C10orf143: variants seen among roughly 807,000 people sequenced by gnomAD.
C10orf143 encodes uncharacterized protein C10orf143.
intron 1 of C10orf143, among the ~76,000 whole-genome samples, chr10:130,085,962 T>C (rs1028227797): frequency 6.6e-6 from 1 of 152,248 alleles, no homozygotes. Flanking sequence ...TCAGACACTT[T>C]GGAGGCTTGT....
At chr10:130,045,111 A>T (rs545818873) in intron 3 of C10orf143, among the ~76,000 whole-genome samples, 88 of 152,018 alleles carry the variant, frequency 5.8e-4, no homozygotes, top group Middle Eastern at 3.4e-3. Context: ...AACAAAACCC[A>T]CCCCATGGAG....
At chr10:130,095,586 A>C (rs771924685) in intron 1 of C10orf143, among the ~76,000 whole-genome samples, 1 of 152,232 alleles carries the variant, frequency 6.6e-6, no homozygotes, top group Non-Finnish European at 1.5e-5. Context: ...ACTGGTACCA[A>C]AACAGACATA....
chr10:130,047,011 G>A (rs976512591), intron 3 of C10orf143, among the ~76,000 whole-genome samples: 1 of 152,244 alleles, frequency 6.6e-6, no homozygotes, highest in East Asian at 1.9e-4. Flanking sequence ...AAGGAAAGGC[G>A]TTCACACTAT....
At chr10:130,048,912 C>T (rs1345490244) in intron 3 of C10orf143, among the ~76,000 whole-genome samples, 1 of 152,124 alleles carries the variant, frequency 6.6e-6, no homozygotes, top group Non-Finnish European at 1.5e-5. Context: ...GCTATATTGC[C>T]CAGGCTGGTT....
downstream of C10orf143, among the ~76,000 whole-genome samples, chr10:130,063,329 T>C (rs1162649673): frequency 6.6e-6 from 1 of 152,188 alleles, no homozygotes; most frequent in Non-Finnish European, 1.5e-5. Flanking sequence ...TGTATCTCAT[T>C]TTGGAAAAGA....
chr10:130,043,717 G>A (rs117985132), intron 3 of C10orf143, among the ~76,000 whole-genome samples: 385 of 152,364 alleles, frequency 2.5e-3, no homozygotes, highest in African/African-American at 6.7e-3. Flanking sequence ...GAGGGGTGTG[G>A]TCTTCCAGAA....
At chr10:130,098,570 G>A (rs193177554) in intron 1 of C10orf143, among the ~76,000 whole-genome samples, 2 of 152,224 alleles carry the variant, frequency 1.3e-5, no homozygotes, top group African/African-American at 2.4e-5. Flanking sequence ...ACACCCTCAC[G>A]TGTCAGTCAA....
chr10:130,061,726 A>C (rs561276430), downstream of C10orf143, among the ~76,000 whole-genome samples: 106 of 152,354 alleles, frequency 7.0e-4, no homozygotes, highest in Middle Eastern at 0.01. Flanking sequence ...CACGCTCGTC[A>C]TGGGTGCATC....
intron 3 of C10orf143, among the ~76,000 whole-genome samples, chr10:130,057,878 G>A (rs1860812942): frequency 6.6e-6 from 1 of 152,208 alleles, no homozygotes; most frequent in African/African-American, 2.4e-5. Context: ...TAAGGAAACT[G>A]AGTAAGTGGC....
intron 1 of C10orf143, among the ~76,000 whole-genome samples, chr10:130,099,924 G>A (rs993276726): frequency 4.7e-5 from 7 of 148,398 alleles, no homozygotes; most frequent in African/African-American, 1.5e-4. Context: ...TGCAACCTCC[G>A]CCTCCCAGGT....
chr10:130,057,846 C>T (rs562943115), intron 3 of C10orf143, among the ~76,000 whole-genome samples: 1 of 152,300 alleles, frequency 6.6e-6, no homozygotes, highest in African/African-American at 2.4e-5. Flanking sequence ...GATGCAGGTA[C>T]TGTTGTTATT....
chr10:130,087,243 A>G (rs1861305155), intron 1 of C10orf143, among the ~76,000 whole-genome samples: 1 of 152,240 alleles, frequency 6.6e-6, no homozygotes, highest in Non-Finnish European at 1.5e-5. Context: ...CCACAGAGGC[A>G]TTTACATCTG....
chr10:130,060,026 C>T (rs1222128214), downstream of C10orf143, among the ~76,000 whole-genome samples: 1 of 150,474 alleles, frequency 6.6e-6, no homozygotes, highest in East Asian at 2.0e-4. Context: ...CATATTCTGT[C>T]TGGTATTTGC....
chr10:130,061,674 A>G (rs903798467), downstream of C10orf143, among the ~76,000 whole-genome samples: 7 of 152,200 alleles, frequency 4.6e-5, no homozygotes, highest in Non-Finnish European at 8.8e-5. Context: ...CTCTTTTGAC[A>G]AGAATACAAA....
At chr10:130,045,902 C>T (rs549124387) in intron 3 of C10orf143, among the ~76,000 whole-genome samples, 2 of 152,258 alleles carry the variant, frequency 1.3e-5, no homozygotes, top group East Asian at 1.9e-4. Flanking sequence ...GTGCCTGCCA[C>T]GTGCGGGGGA....
chr10:130,093,690 G>T (rs1414072796), intron 1 of C10orf143, among the ~76,000 whole-genome samples: 1 of 152,052 alleles, frequency 6.6e-6, no homozygotes, highest in Non-Finnish European at 1.5e-5. Flanking sequence ...AAGAATAAAA[G>T]AGAGAAGAAC....
chr10:130,047,569 G>GC (rs1200812302), intron 3 of C10orf143, among the ~76,000 whole-genome samples: 2 of 152,002 alleles, frequency 1.3e-5, no homozygotes, highest in Non-Finnish European at 2.9e-5. Flanking sequence ...ACTTACTAAG[G>GC]CCCCCCGCAC....
chr10:130,046,115 G>A (rs1173193341), intron 3 of C10orf143, among the ~76,000 whole-genome samples: 5 of 151,662 alleles, frequency 3.3e-5, no homozygotes, highest in South Asian at 2.1e-4. Flanking sequence ...GGCGTGGGAC[G>A]GGGCGTGGCG....
intron 3 of C10orf143, among the ~76,000 whole-genome samples, chr10:130,052,519 G>A (rs1035012713): frequency 6.6e-6 from 1 of 152,164 alleles, no homozygotes; most frequent in Admixed American, 6.6e-5. Context: ...TGGGTCTCAC[G>A]CCCAGACCAG....
Sources: allele counts gnomAD v4.1 joint callset (sites outside exome capture counted in the v4.1 genomes callset), GRCh38; gene constraint gnomAD v4.1.1; transcripts MANE v1.5; gene names NCBI Gene and HGNC (gene_info 2026-07-23, HGNC 2026-07-21).